Variants in SIK2 observed in about 807,000 individuals in gnomAD.
SIK2 encodes the protein serine/threonine-protein kinase SIK2.
Under a neutral mutation model 103.2 loss-of-function variants are expected in SIK2, and 29 were observed. The observed-to-expected ratio is 0.28, with a 90% confidence interval of 0.21 to 0.38. The LOEUF is 0.38. Ranked by LOEUF, SIK2 falls within the 10% of genes least tolerant of loss-of-function variation. The pLI, the probability that SIK2 is intolerant of heterozygous loss-of-function variation, is 1.00. For synonymous variants in SIK2, 412 were observed against 446.1 expected, an observed-to-expected ratio of 0.92 and a Z score of 0.96; for missense variants, 879 against 1,171.0, an observed-to-expected ratio of 0.75 and a Z score of 3.64.
In SIK2 at chr11:111,730,684, AT is replaced by A. The variant is rs1282849365; in HGVS notation, c.*6556del. On this transcript the variant is annotated 3_prime_UTR_variant, in exon 15 of 15. Coordinates refer to ENST00000304987, the MANE Select transcript of SIK2 (RefSeq NM_015191.3). ...TAATAGCTCCAATGTGAAAAAAAAAATCAAAAGTATAACTTGTCACTTAATG... is the reference window on the plus strand; with the variant it reads ...TAATAGCTCCAATGTGAAAAAAAAAACAAAAGTATAACTTGTCACTTAATG... The A allele has an allele frequency of 6.6e-6, 1 of 152,160 alleles. No homozygotes were observed. The highest frequency in any genetic ancestry group is 1.5e-5 in the Non-Finnish European group (1 of 68,028). 9.4% of individuals were successfully genotyped at this position (152,160 alleles called of 1,614,324 possible). A position where few individuals can be genotyped will look rare whatever the true frequency, so the allele number is the denominator to read the frequency against.
Position 111,712,231 on chromosome 11 carries a change from A to G in SIK2, c.1122A>G (p.Pro374=), listed in dbSNP as rs1214253966. The G allele has an allele frequency of 1.2e-6, 2 of 1,614,094 alleles. No homozygotes were observed. The highest frequency in any genetic ancestry group is 1.7e-6 in the Non-Finnish European group (2 of 1,180,042). ...TACAGGCACAGACTGTGGGGCTCCC[A>G]GTGACCATGCATTCACCGAACATGA... is the stretch of plus-strand genomic sequence containing the variant. ...TVAKAQTVGL[P]VTMHSPNMRL... Residue 374 remains proline, a synonymous_variant, in exon 9 of 15, where the codon CCA becomes CCG. Transcript: ENST00000304987.
At chr11:111,615,027 T>C (rs941862342) in intron 1 of SIK2, among the ~76,000 whole-genome samples, 4 of 151,766 alleles carry the variant, frequency 2.6e-5, no homozygotes, top group African/African-American at 9.7e-5. Flanking sequence ...TAATCCCAGC[T>C]ACTTGGGAAG....
In SIK2 at chr11:111,705,522, A is replaced by C. The variant is rs758828353; in HGVS notation, c.1101+383A>C. On this transcript the variant is annotated intron_variant, in intron 8 of 14. Transcript: ENST00000304987. The surrounding 1 kb of genome is among the most constrained non-coding windows in gnomAD (Gnocchi z 4.3). ...CAGAGACATCGCGCTATAAAAATGAAATAAGACAAGATCATAAACAACCAT... is the reference window on the plus strand; with the variant it reads ...CAGAGACATCGCGCTATAAAAATGACATAAGACAAGATCATAAACAACCAT... Among the ~76,000 whole-genome samples the C allele has an allele frequency of 2.6e-5, 4 of 152,226 alleles. No individual in the cohort carries two copies. Among genetic ancestry groups the C allele is most frequent in the Non-Finnish European group, 4.4e-5 (3 of 68,048 alleles).
chr11:111,688,095 G>A lies in SIK2; in HGVS notation c.411G>A (p.Lys137=), dbSNP rs141889534. 372 of 1,614,038 alleles carry A rather than the reference G, an allele frequency of 2.3e-4. No homozygotes were observed. Among genetic ancestry groups the A allele is most frequent in the Non-Finnish European group, 2.8e-4 (325 of 1,180,040 alleles). ...LSAVDYCHGR[K]IVHRDLKAEN... Reference sequence around the variant, plus strand: ...CTGTTGATTATTGTCATGGTCGGAAGATTGTGCACCGTGACCTCAAAGCTG... The same window carrying A: ...CTGTTGATTATTGTCATGGTCGGAAAATTGTGCACCGTGACCTCAAAGCTG... Residue 137 remains lysine, a synonymous_variant, in exon 4 of 15, where the codon AAG becomes AAA. Transcript: ENST00000304987. This position sits in a 1 kb window ranked among gnomAD's most constrained non-coding sequence, Gnocchi z 4.2.
chr11:111,693,554 A>G (rs1023139485), intron 4 of SIK2, among the ~76,000 whole-genome samples: 1 of 152,226 alleles, frequency 6.6e-6, no homozygotes, highest in Non-Finnish European at 1.5e-5. Flanking sequence ...AGTTGAGAAT[A>G]AAATAGATGA....
At position 111,602,562 on chromosome 11, in the gene SIK2, G is replaced by A. The variant is rs1235146757; in HGVS notation, c.-2G>A. ...CCGCCGTGTCTAGCAGCGGGGCCCA[G>A]CATGGTCATGGCGGATGGCCCGAGG... On this transcript the variant is annotated 5_prime_UTR_variant, in exon 1 of 15. Coordinates refer to ENST00000304987, the MANE Select transcript of SIK2 (RefSeq NM_015191.3). The surrounding 1 kb of genome is among the most constrained non-coding windows in gnomAD (Gnocchi z 4.5). 6.6e-7 allele frequency: 1 copy of A among 1,517,204 alleles called. No homozygotes were observed. Among genetic ancestry groups the A allele is most frequent in the Admixed American group, 2.1e-5 (1 of 48,398 alleles). The allele number at this position is 1,517,204 out of a possible 1,614,324, so 94.0% of individuals were successfully genotyped here.
chr11:111,674,300 G>A (rs1942672039), intron 3 of SIK2, among the ~76,000 whole-genome samples: 1 of 152,046 alleles, frequency 6.6e-6, no homozygotes, highest in African/African-American at 2.4e-5. Context: ...TATGTTTCTG[G>A]TATTGGATCA....
chr11:111,649,112 C>T (rs1942295796), intron 3 of SIK2, among the ~76,000 whole-genome samples: 1 of 152,230 alleles, frequency 6.6e-6, no homozygotes, highest in Admixed American at 6.5e-5. Context: ...TTCTAGTGCC[C>T]CTTATATTTC....
intron 14 of SIK2, among the ~76,000 whole-genome samples, chr11:111,723,102 C>T (rs1012080969): frequency 1.3e-5 from 2 of 152,296 alleles, no homozygotes; most frequent in Non-Finnish European, 2.9e-5. Context: ...CATGTGTGCC[C>T]ACAGCCTCGC....
At chr11:111,641,847 T>C (rs1417735724) in intron 3 of SIK2, among the ~76,000 whole-genome samples, 1 of 152,178 alleles carries the variant, frequency 6.6e-6, no homozygotes, top group Non-Finnish European at 1.5e-5. Flanking sequence ...AGACTGGGAT[T>C]CTTGTCCCAG....
chr11:111,631,977 A>G (rs1942046512), intron 3 of SIK2, among the ~76,000 whole-genome samples: 1 of 152,198 alleles, frequency 6.6e-6, no homozygotes, highest in African/African-American at 2.4e-5. Flanking sequence ...ACCTCATTCC[A>G]CAAAGAGTTG....
chr11:111,708,519 A>G (rs1482160795), intron 8 of SIK2, among the ~76,000 whole-genome samples: 1 of 152,168 alleles, frequency 6.6e-6, no homozygotes, highest in African/African-American at 2.4e-5. Context: ...TTGAGTTGAG[A>G]CTATTTAGAA....
In SIK2 at chr11:111,703,259, A is replaced by G. The variant is rs1396488756; in HGVS notation, c.784A>G (p.Ile262Val). ...CCTAGACCCATCCAAACGGCTAACC[A>G]TAGCCCAAATCAAGGAGCATAAATG... ...LVLDPSKRLT[I>V]AQIKEHKWML... Residue 262 changes from isoleucine (I) to valine (V), a missense_variant, in exon 7 of 15, where the codon ATA (isoleucine) becomes GTA (valine). Physicochemically the swap from Ile to Val is conservative, Grantham distance 29. Around this residue, in one of 7 missense-constraint regions of SIK2, gnomAD observed 99 missense variants for 153.9 expected, o/e 0.64. Coordinates refer to ENST00000304987, the MANE Select transcript of SIK2 (RefSeq NM_015191.3). 4 of 1,614,082 alleles carry G rather than the reference A, an allele frequency of 2.5e-6. No homozygotes were observed. Among genetic ancestry groups the G allele is most frequent in the African/African-American group, 2.7e-5 (2 of 74,942 alleles).
At chr11:111,637,931 T>TA (rs1942131575) in intron 3 of SIK2, among the ~76,000 whole-genome samples, 1 of 152,212 alleles carries the variant, frequency 6.6e-6, no homozygotes, top group Non-Finnish European at 1.5e-5. Flanking sequence ...TATTACGTGT[T>TA]AGAGTTTATT....
chr11:111,646,770 C>T (rs567240455), intron 3 of SIK2, among the ~76,000 whole-genome samples: 1 of 152,252 alleles, frequency 6.6e-6, no homozygotes, highest in Non-Finnish European at 1.5e-5. Flanking sequence ...GAGATTCATC[C>T]ATGGTGATGC....
chr11:111,629,503 G>A (rs182650504), intron 3 of SIK2, among the ~76,000 whole-genome samples: 99 of 152,308 alleles, frequency 6.5e-4, no homozygotes, highest in African/African-American at 2.4e-3. Flanking sequence ...TCTGTTTTCA[G>A]AGTGAAAAAT....
chr11:111,717,989 T>A (rs1943694840), intron 9 of SIK2, among the ~76,000 whole-genome samples: 1 of 152,038 alleles, frequency 6.6e-6, no homozygotes, highest in Non-Finnish European at 1.5e-5. Context: ...AGGTGATAGG[T>A]TGACAGGTGC....
chr11:111,606,715 A>T (rs1454370906), intron 1 of SIK2, among the ~76,000 whole-genome samples: 3 of 152,090 alleles, frequency 2.0e-5, no homozygotes, highest in Non-Finnish European at 4.4e-5. Context: ...TTGCTGGTAA[A>T]GTCCTAAAAG....
chr11:111,615,400 CTG>C (rs1314185668), intron 1 of SIK2, among the ~76,000 whole-genome samples: 1 of 151,482 alleles, frequency 6.6e-6, no homozygotes, highest in Admixed American at 6.6e-5. Context: ...TTTTTCAAAA[CTG>C]ATAATTAAAT....
Sources: gnomAD v4.1 joint callset for allele counts (sites outside exome capture counted in the v4.1 genomes callset) on GRCh38, gnomAD v4.1.1 for gene constraint, gnomAD v4.1.1 regional missense constraint, Gnocchi (gnomAD v3.1) non-coding constraint, MANE v1.5 for transcripts, NCBI Gene and HGNC (gene_info 2026-07-23, HGNC 2026-07-21) for gene names.